IRS2: variants seen among roughly 807,000 people sequenced by gnomAD.
IRS2 encodes insulin receptor substrate 2.
IRS2 carries 28 observed loss-of-function variants against 70.9 expected under a neutral mutation model. The ratio of observed to expected loss-of-function variants is 0.39; its 90% CI spans 0.29 to 0.54. The LOEUF (loss-of-function observed/expected upper bound fraction) is 0.54. Among genes scored for constraint, IRS2 ranks in the 20% least tolerant of loss-of-function variants. The pLI is 0.59. For synonymous variants in IRS2, 1,217 were observed against 981.9 expected (o/e 1.24, Z -4.48); for missense variants, 2,081 against 2,024.1 (o/e 1.03, Z -0.54).
chr13:109,781,917 G>A (rs1376052660), intron 1 of IRS2, 125 bp downstream of exon 1: 1 of 1,032,040 alleles, frequency 9.7e-7, no homozygotes. Context: ...AAAACAAGGA[G>A]CCAGTGCCAG....
chr13:109,778,785 T>C (rs1213528220), intron 1 of IRS2, among the ~76,000 whole-genome samples: 1 of 152,180 alleles, frequency 6.6e-6, no homozygotes, highest in African/African-American at 2.4e-5. Flanking sequence ...CATACATACA[T>C]ATATATACGC....
In IRS2 at chr13:109,783,236, C is replaced by A. The variant is rs1358867066; in HGVS notation, c.2818G>T (p.Ala940Ser). 7.5e-6 allele frequency: 11 copies of A among 1,457,106 alleles called. No homozygotes were observed. Among genetic ancestry groups the A allele is most frequent in the Non-Finnish European group, 9.9e-6 (11 of 1,108,066 alleles). The allele number at this position is 1,457,106 out of a possible 1,614,324, so 90.3% of individuals were successfully genotyped here. A position where few individuals can be genotyped will look rare whatever the true frequency, so the allele number is the denominator to read the frequency against. The change falls in exon 1 of 2, where the codon GCG becomes TCG. Residue 940 changes from alanine to serine, a missense_variant. Ala to Ser is a moderately conservative substitution (Grantham distance 99). Around this residue, in one of 4 missense-constraint regions of IRS2, gnomAD observed 1,615 missense variants for 1,459.5 expected, o/e 1.11. Transcript: ENST00000375856. ...AGCGAGGAGGACGAGGCCGCCGACG[C>A]CAGCAGGGGAGGCGCGGGCGGCGAC... ...RLSPPAPPLL[A>S]SAASSSSLLS...
In IRS2 at chr13:109,754,979, G is replaced by A. The variant is rs1054885133; in HGVS notation, c.*1325C>T. 1.1e-4 allele frequency: 24 copies of A among 226,034 alleles called. No homozygotes were observed. The highest frequency in any genetic ancestry group is 7.4e-4 in the Admixed American group (13 of 17,500). 14.0% of individuals were successfully genotyped at this position (226,034 alleles called of 1,614,324 possible). ...GTCGACAGCCCTCCAATCAAGTGTC[G>A]AGGGAGCAGAAAACGGCAGAACATT... On this transcript the variant is annotated 3_prime_UTR_variant, in exon 2 of 2. Transcript: ENST00000375856.
chr13:109,780,025 C>T (rs1338041238), intron 1 of IRS2, among the ~76,000 whole-genome samples: 1 of 152,130 alleles, frequency 6.6e-6, no homozygotes, highest in Admixed American at 6.5e-5. Flanking sequence ...GCCTTGCGTC[C>T]CTCCAGGCCT....
intron 1 of IRS2, among the ~76,000 whole-genome samples, chr13:109,779,479 C>CA (rs1877650191): frequency 6.6e-6 from 1 of 152,200 alleles, no homozygotes; most frequent in Non-Finnish European, 1.5e-5. Context: ...ATTTCTAGTG[C>CA]ATGTATGAGT....
Position 109,782,465 on chromosome 13 carries a change from C to T in IRS2, c.3589G>A (p.Gly1197Ser), listed in dbSNP as rs774392730. 2.6e-6 allele frequency: 4 copies of T among 1,565,480 alleles called. No individual in the cohort carries two copies. In the Admixed American group the frequency reaches 7.5e-5, roughly 29 times the overall value. The change falls in exon 1 of 2, where the codon GGC becomes AGC. Residue 1197 changes from glycine (G) to serine (S), a missense_variant. Physicochemically the swap from Gly to Ser is moderately conservative, Grantham distance 56 (BLOSUM62 0). Around this residue, in one of 4 missense-constraint regions of IRS2, gnomAD observed 1,615 missense variants for 1,459.5 expected, o/e 1.11. Transcript: ENST00000375856. The part of the protein sequence containing the change: ...EGGVGVGPGG[G>S]DEPPTSPRQL... ...CGTGGGGAGGTGGGCGGCTCGTCGC[C>T]CCCTCCAGGGCCGACACCCACGCCG...
intron 1 of IRS2, among the ~76,000 whole-genome samples, chr13:109,781,762 G>A (rs765412211): frequency 2.0e-5 from 3 of 152,184 alleles, no homozygotes; most frequent in Admixed American, 6.5e-5. Context: ...GGGACAGGGG[G>A]CTGTGGGACG....
Position 109,785,846 on chromosome 13 carries a change from G to T in IRS2, c.208C>A (p.Pro70Thr), listed in dbSNP as rs1415372702. The stretch of plus-strand genomic sequence containing the variant: ...CTCTCGTAGTACTCGAGCCGCGGCG[G>T]TTGCGGCGCCGACCCCCCGCCCGCC... ...ATAGGGSAPQ[P>T]PRLEYYESEK... The change falls in exon 1 of 2, where the codon CCG (proline) becomes ACG (threonine). Residue 70 changes from proline to threonine, a missense_variant. By Grantham distance (38) the Pro-to-Thr change is conservative (BLOSUM62 -1). Around this residue, in one of 4 missense-constraint regions of IRS2, gnomAD observed 320 missense variants for 352.9 expected, o/e 0.91. Transcript: ENST00000375856. This position sits in a 1 kb window ranked among gnomAD's most constrained non-coding sequence, Gnocchi z 9.3. 1.3e-6 allele frequency: 2 copies of T among 1,527,882 alleles called. No individual in the cohort carries two copies. Among genetic ancestry groups the T allele is most frequent in the Non-Finnish European group, 1.7e-6 (2 of 1,143,174 alleles). The allele number at this position is 1,527,882 out of a possible 1,614,324, so 94.6% of individuals were successfully genotyped here. A position where few individuals can be genotyped will look rare whatever the true frequency, so the allele number is the denominator to read the frequency against.
At chr13:109,759,295 A>C (rs754205) in intron 1 of IRS2, among the ~76,000 whole-genome samples, 64,817 of 152,014 alleles carry the variant, frequency 0.43, 14,138 homozygotes, top group African/African-American at 0.5. Context: ...CCTCTCACAG[A>C]CCTGCTTGCT....
chr13:109,756,740 G>C (rs1370643244), intron 1 of IRS2, among the ~76,000 whole-genome samples: 1 of 152,070 alleles, frequency 6.6e-6, no homozygotes, highest in African/African-American at 2.4e-5. Context: ...TTCCTCCCAG[G>C]GCTGCAGAGA....
Position 109,782,599 on chromosome 13 carries a change from A to G in IRS2, c.3455T>C (p.Phe1152Ser), listed in dbSNP as rs1182389554. 1.9e-6 allele frequency: 3 copies of G among 1,577,436 alleles called. No homozygotes were observed. The highest frequency in any genetic ancestry group is 8.6e-7 in the Non-Finnish European group (1 of 1,163,060). ...GGGGGTGACCGTCGTGGTGGAGGAG[A>G]AGGTCTCGGAACTGTGGCGGCGGCG... ...GGRRRHSSET[F>S]SSTTTVTPVS... The change falls in exon 1 of 2, where the codon TTC becomes TCC. Residue 1152 changes from phenylalanine (F) to serine (S), a missense_variant. Transcript: ENST00000375856.
chr13:109,756,363 C>G, intron 1 of IRS2, 55 bp from the exon 2 acceptor site: 1 of 1,565,338 alleles, frequency 6.4e-7, no homozygotes, highest in South Asian at 1.1e-5. Flanking sequence ...AGAGCAATCT[C>G]TGGAGTTCCA....
chr13:109,785,271 G>T lies in IRS2; in HGVS notation c.783C>A (p.Arg261=), dbSNP rs771321040. 6.2e-7 allele frequency: 1 copy of T among 1,607,680 alleles called. No homozygotes were observed. The highest frequency in any genetic ancestry group is 8.5e-7 in the Non-Finnish European group (1 of 1,177,860). Residue 261 remains arginine (R), a synonymous_variant, in exon 1 of 2, where the codon CGC becomes CGA. Coordinates refer to ENST00000375856, the MANE Select transcript of IRS2 (RefSeq NM_003749.3). This position sits in a 1 kb window ranked among gnomAD's most constrained non-coding sequence, Gnocchi z 9.3. The stretch of plus-strand genomic sequence containing the variant: ...GCTCGCCGGGGCCTGTGACGGCCGA[G>T]CGGCCCACCTCGATGAAGAAGAAGC... ...SDSFFFIEVG[R]SAVTGPGELW... is the part of the protein sequence containing the mutation.
At chr13:109,780,124 G>T (rs1264539601) in intron 1 of IRS2, among the ~76,000 whole-genome samples, 1 of 152,164 alleles carries the variant, frequency 6.6e-6, no homozygotes, top group Non-Finnish European at 1.5e-5. Context: ...TGTCCCACCA[G>T]CTCCACTGAA....
chr13:109,764,614 C>G (rs1364643225), intron 1 of IRS2, among the ~76,000 whole-genome samples: 1 of 152,198 alleles, frequency 6.6e-6, no homozygotes, highest in Non-Finnish European at 1.5e-5. Context: ...GTGTTCTCAA[C>G]TACAGACTTC....
At chr13:109,779,791 T>A (rs1401366536) in intron 1 of IRS2, among the ~76,000 whole-genome samples, 1 of 152,176 alleles carries the variant, frequency 6.6e-6, no homozygotes, top group African/African-American at 2.4e-5. Context: ...CAGTGATCTC[T>A]CATCTTTGTT....
rs1016872902 is a variant in IRS2 at position 109,754,811 on chromosome 13, T to C, written c.*1493A>G. 1 of 192,284 alleles carries C rather than the reference T, an allele frequency of 5.2e-6. No homozygotes were observed. The highest frequency in any genetic ancestry group is 8.4e-5 in the East Asian group (1 of 11,872). The allele number at this position is 192,284 out of a possible 1,614,324, so 11.9% of individuals were successfully genotyped here. ...TTATTAATGCATTATTCTATAGCGATAGATATCTATTATATATTTATATAT... is the reference window on the plus strand; with the variant it reads ...TTATTAATGCATTATTCTATAGCGACAGATATCTATTATATATTTATATAT... On this transcript the variant is annotated 3_prime_UTR_variant, in exon 2 of 2. Coordinates refer to ENST00000375856, the MANE Select transcript of IRS2 (RefSeq NM_003749.3).
In IRS2 at chr13:109,754,617, A is replaced by G. The variant is rs1877063766; in HGVS notation, c.*1687T>C. ...CACTGCTGTGATGTATAATTTCAGA[A>G]AAGTAAAACCTTAAAAATGTTCAGG... On this transcript the variant is annotated 3_prime_UTR_variant, in exon 2 of 2. Transcript: ENST00000375856. 1 of 199,800 alleles carries G rather than the reference A, an allele frequency of 5.0e-6. No individual in the cohort carries two copies. The highest frequency in any genetic ancestry group is 1.9e-4 in the South Asian group (1 of 5,234). 12.4% of individuals were successfully genotyped at this position (199,800 alleles called of 1,614,324 possible).
rs754163021 is a variant in IRS2 at position 109,782,633 on chromosome 13, G to T, written c.3421C>A (p.Gln1141Lys). The T allele has an allele frequency of 1.9e-6, 3 of 1,571,236 alleles. No homozygotes were observed. The highest frequency in any genetic ancestry group is 2.6e-6 in the Non-Finnish European group (3 of 1,160,358). ...GAACTGTGGCGGCGGCGGCCCCCCT[G>T]CGGGTCTGCGCGGATGACCTTGGCG... is the stretch of plus-strand genomic sequence containing the variant. Reference protein sequence around the residue: ...RGAKVIRADPQGGRRRHSSET... With the variant: ...RGAKVIRADPKGGRRRHSSET... The change falls in exon 1 of 2, where the codon CAG (glutamine) becomes AAG (lysine). Residue 1141 changes from glutamine to lysine, a missense_variant. By Grantham distance (53) the Gln-to-Lys change is moderately conservative. This residue lies in a region of IRS2 where 1,615 missense variants were observed against 1,459.5 expected (regional missense o/e 1.11). Transcript: ENST00000375856.
Sources: gnomAD v4.1 joint callset for allele counts (sites outside exome capture counted in the v4.1 genomes callset) on GRCh38, gnomAD v4.1.1 for gene constraint, gnomAD v4.1.1 regional missense constraint, Gnocchi (gnomAD v3.1) non-coding constraint, MANE v1.5 for transcripts, NCBI Gene and HGNC (gene_info 2026-07-23, HGNC 2026-07-21) for gene names.